LRRC4C: variants seen among roughly 807,000 people sequenced by gnomAD.
LRRC4C encodes leucine-rich repeat-containing protein 4C.
Under a neutral mutation model 33.6 loss-of-function variants are expected in LRRC4C, and 5 were observed. The observed-to-expected ratio is 0.15, with a 90% CI of 0.08 to 0.31. LRRC4C has a LOEUF of 0.31. Ranked by LOEUF, LRRC4C falls within the 10% of genes least tolerant of loss-of-function variation. LRRC4C has a pLI of 1.00. For synonymous variants in LRRC4C, 329 were observed against 302.0 expected (o/e 1.09, Z -0.93); for missense variants, 560 against 796.7 (o/e 0.70, Z 3.58).
At chr11:40,124,595 G>A (rs79612897) in intron 6 of LRRC4C, among the ~76,000 whole-genome samples, 1,895 of 152,262 alleles carry the variant, frequency 0.012, 37 homozygotes, top group African/African-American at 0.043. Context: ...ATCTGTGAGA[G>A]CTAAAAAGTA....
At position 40,197,321 on chromosome 11, in the gene LRRC4C, C is replaced by A. The variant is rs369587900; in HGVS notation, c.-96+44198G>T. ...GGGAGTTTATAATTAATCAGACCGG[C>A]ACTCACCTATCATATCAATTCACAG... On this transcript the variant is annotated intron_variant, in intron 5 of 6. Coordinates refer to ENST00000528697, the MANE Select transcript of LRRC4C (RefSeq NM_001258419.2). 9.2e-5 allele frequency among the ~76,000 whole-genome samples: 14 copies of A among 152,276 alleles called. No homozygotes were observed. The East Asian group carries it at 2.5e-3, about 27-fold the overall frequency.
chr11:40,758,048 T>C (rs1325582442), intron 2 of LRRC4C, among the ~76,000 whole-genome samples: 1 of 152,018 alleles, frequency 6.6e-6, no homozygotes, highest in Admixed American at 6.6e-5. Flanking sequence ...GCAGTGACGT[T>C]GTTGGAAGTT....
At chr11:40,158,141 T>C (rs923574771) in intron 5 of LRRC4C, among the ~76,000 whole-genome samples, 2 of 152,188 alleles carry the variant, frequency 1.3e-5, no homozygotes, top group Non-Finnish European at 2.9e-5. Flanking sequence ...GAGACTATTA[T>C]TCTAAGTGAA....
chr11:40,572,377 C>G (rs375555017), intron 3 of LRRC4C, among the ~76,000 whole-genome samples: 27 of 152,088 alleles, frequency 1.8e-4, no homozygotes, highest in African/African-American at 6.5e-4. Context: ...CAGCAAGCAT[C>G]AGAGAGATTT....
rs180765091 is a variant in LRRC4C, at chr11:40,609,793, A to G, written c.-270+38349T>C. ...TATATGCCAAGAAACTGAGTAACCT[A>G]GAAGAAATTAATAGATTCCTAGAAA... On this transcript the variant is annotated intron_variant, in intron 3 of 6. Coordinates refer to ENST00000528697, the MANE Select transcript of LRRC4C (RefSeq NM_001258419.2). Among the ~76,000 whole-genome samples, 30 of 152,044 alleles carry G rather than the reference A, an allele frequency of 2.0e-4. 1 individual carries two copies. The highest frequency in any genetic ancestry group is 9.8e-4 in the Admixed American group (15 of 15,264).
chr11:40,439,015 C>G (rs1433850273), intron 3 of LRRC4C, among the ~76,000 whole-genome samples: 1 of 149,452 alleles, frequency 6.7e-6, no homozygotes, highest in East Asian at 2.0e-4. Context: ...ACTGCAACCT[C>G]CGCCTCCCGG....
rs530003573 is a variant in LRRC4C at position 41,051,520 on chromosome 11, C to CAAAAAAAAAA, written c.-495-117807_-495-117798dup. ...CTCAGTCCCTCCCAGGGTCTCAAGG[C>CAAAAAAAAAA]AAAAAAAAAAAAAAAAAAAAAAAAA... On this transcript the variant is annotated intron_variant, in intron 1 of 6. Coordinates refer to ENST00000528697, the MANE Select transcript of LRRC4C (RefSeq NM_001258419.2). 2.3e-3 allele frequency among the ~76,000 whole-genome samples: 137 copies of CAAAAAAAAAA among 60,286 alleles called. 15 individuals are homozygous for CAAAAAAAAAA. The highest frequency in any genetic ancestry group is 5.4e-3 in the African/African-American group (77 of 14,286). The allele number at this position is 60,286 out of a possible 152,430, so 39.5% of individuals were successfully genotyped here.
At chr11:41,301,260 G>C (rs997777369) in intron 1 of LRRC4C, among the ~76,000 whole-genome samples, 1 of 152,086 alleles carries the variant, frequency 6.6e-6, no homozygotes, top group African/African-American at 2.4e-5. Context: ...TTGGAATTAC[G>C]TCATTTACTT....
chr11:41,005,929 G>C (rs1029010737), intron 1 of LRRC4C, among the ~76,000 whole-genome samples: 1 of 152,042 alleles, frequency 6.6e-6, no homozygotes, highest in Non-Finnish European at 1.5e-5. Context: ...GTACAGAGTA[G>C]AGACTGGACT....
chr11:40,182,302 A>G (rs1356812904), intron 5 of LRRC4C, among the ~76,000 whole-genome samples: 1 of 152,086 alleles, frequency 6.6e-6, no homozygotes, highest in Non-Finnish European at 1.5e-5. Context: ...TGCCTCAACC[A>G]TCCTGGCCTA....
chr11:40,990,231 T>TTATATATATA (rs761772952), intron 1 of LRRC4C, among the ~76,000 whole-genome samples: 109 of 78,206 alleles, frequency 1.4e-3, no homozygotes, highest in Middle Eastern at 0.01. Flanking sequence ...ATGTCAAGTT[T>TTATATATATA]TATATATATA....
intron 3 of LRRC4C, among the ~76,000 whole-genome samples, chr11:40,626,173 T>C (rs1962908961): frequency 1.3e-5 from 2 of 152,190 alleles, no homozygotes; most frequent in South Asian, 4.1e-4. Flanking sequence ...AGTCTCCTTC[T>C]GTCCCTCGAA....
intron 3 of LRRC4C, among the ~76,000 whole-genome samples, chr11:40,448,219 C>T (rs1951727234): frequency 6.6e-6 from 1 of 152,114 alleles, no homozygotes; most frequent in South Asian, 2.1e-4. Context: ...TTAAAATTCA[C>T]AGAGATCTTG....
chr11:41,213,450 G>T (rs1018200183), intron 1 of LRRC4C, among the ~76,000 whole-genome samples: 4 of 152,142 alleles, frequency 2.6e-5, no homozygotes, highest in Non-Finnish European at 5.9e-5. Flanking sequence ...TAGCAAACTC[G>T]TTTTAATGTA....
chr11:40,736,541 G>T (rs1947877775), intron 2 of LRRC4C, among the ~76,000 whole-genome samples: 1 of 152,056 alleles, frequency 6.6e-6, no homozygotes, highest in Non-Finnish European at 1.5e-5. Flanking sequence ...TAATGACATT[G>T]CTGGGTCAAA....
intron 1 of LRRC4C, among the ~76,000 whole-genome samples, chr11:41,203,181 C>G (rs1048651640): frequency 1.3e-5 from 2 of 152,136 alleles, no homozygotes; most frequent in Non-Finnish European, 2.9e-5. Flanking sequence ...GTCATTCACC[C>G]TGTTTTCTTG....
Position 40,635,628 on chromosome 11 carries a change from A to ATTTTTTTTTTTTT in LRRC4C, c.-270+12501_-270+12513dup, listed in dbSNP as rs71060975. On this transcript the variant is annotated intron_variant, in intron 3 of 6. Coordinates refer to ENST00000528697, the MANE Select transcript of LRRC4C (RefSeq NM_001258419.2). ...ACTCCAGAAATTGAAAAAGAACCAA[A>ATTTTTTTTTTTTT]TTTTTTTTTTTTTTTTTTTTTTTTT... 1.1e-4 allele frequency among the ~76,000 whole-genome samples: 10 copies of ATTTTTTTTTTTTT among 92,198 alleles called. 1 individual carries two copies. The highest frequency in any genetic ancestry group is 4.0e-4 in the African/African-American group (10 of 24,764). The allele number at this position is 92,198 out of a possible 152,430, so 60.5% of individuals were successfully genotyped here.
intron 5 of LRRC4C, among the ~76,000 whole-genome samples, chr11:40,148,836 C>A (rs1209519365): frequency 6.6e-6 from 1 of 152,072 alleles, no homozygotes; most frequent in Non-Finnish European, 1.5e-5. Context: ...AGTCTTTAAT[C>A]CATCTTGAGT....
At chr11:41,021,358 A>G (rs1246745943) in intron 1 of LRRC4C, among the ~76,000 whole-genome samples, 2 of 152,046 alleles carry the variant, frequency 1.3e-5, no homozygotes, top group African/African-American at 4.8e-5. Context: ...TTCTAGCTCT[A>G]GAGTTCTCCT....
Sources: allele counts gnomAD v4.1 joint callset (sites outside exome capture counted in the v4.1 genomes callset), GRCh38; gene constraint gnomAD v4.1.1; transcripts MANE v1.5; gene names NCBI Gene and HGNC (gene_info 2026-07-23, HGNC 2026-07-21).